Variants in SLC17A3 observed in about 807,000 individuals in gnomAD.
SLC17A3 encodes the protein sodium-dependent phosphate transport protein 4.
In SLC17A3, 61 loss-of-function variants were observed where a neutral mutation model predicts 60.3. The observed-to-expected ratio is 1.01, with a 90% CI of 0.82 to 1.25. SLC17A3 has a LOEUF of 1.25. Among genes scored for constraint, SLC17A3 ranks in the 50% most tolerant of loss-of-function variants. SLC17A3 has a pLI of 0.00. For synonymous variants in SLC17A3, 192 were observed against 208.9 expected, an observed-to-expected ratio of 0.92 and a Z score of 0.70; for missense variants, 624 against 594.9, an observed-to-expected ratio of 1.05 and a Z score of -0.51.
chr6:25,869,180 T>C (rs1248403462), intron 1 of SLC17A3, among the ~76,000 whole-genome samples: 2 of 151,988 alleles, frequency 1.3e-5, no homozygotes, highest in African/African-American at 4.8e-5. Context: ...AAAAGAACCA[T>C]TACTACATTA....
chr6:25,845,204 GAA>G lies in SLC17A3; in HGVS notation c.*95_*96del, dbSNP rs3215770. On this transcript the variant is annotated 3_prime_UTR_variant, in exon 13 of 13. Transcript: ENST00000397060. Reference sequence around the variant, plus strand: ...ATCTCATAATTGAAAAGAGCCACAGGAAAAAAAAAATCTTTTCACTGGTATTT... The same window carrying G: ...ATCTCATAATTGAAAAGAGCCACAGGAAAAAAAATCTTTTCACTGGTATTT... 345 of 602,108 alleles carry G rather than the reference GAA, an allele frequency of 5.7e-4. No homozygotes were observed. The highest frequency in any genetic ancestry group is 5.0e-3 in the African/African-American group (269 of 53,410). 37.3% of individuals were successfully genotyped at this position (602,108 alleles called of 1,614,324 possible).
chr6:25,873,104 G>A (rs1049175373), intron 1 of SLC17A3, among the ~76,000 whole-genome samples: 3 of 152,058 alleles, frequency 2.0e-5, no homozygotes, highest in Admixed American at 6.5e-5. Context: ...CTAGAGGAAA[G>A]AGAAGTAATC....
At chr6:25,852,226 C>G (rs1248166831) in intron 6 of SLC17A3, among the ~76,000 whole-genome samples, 1 of 152,010 alleles carries the variant, frequency 6.6e-6, no homozygotes, top group African/African-American at 2.4e-5. Flanking sequence ...TATCTTTGTT[C>G]CTCTCTCTAT....
chr6:25,851,241 A>ATT (rs35205418), intron 6 of SLC17A3, among the ~76,000 whole-genome samples: 122 of 139,640 alleles, frequency 8.7e-4, no homozygotes, highest in African/African-American at 2.9e-3. Context: ...TCTTTGCCCA[A>ATT]TTTTTTTTTT....
At chr6:25,870,291 G>A (rs936813442) in intron 1 of SLC17A3, among the ~76,000 whole-genome samples, 1 of 151,942 alleles carries the variant, frequency 6.6e-6, no homozygotes, top group Non-Finnish European at 1.5e-5. Flanking sequence ...AAGATTGCCT[G>A]GGAGATATTT....
chr6:25,871,326 C>G (rs1765636769), intron 1 of SLC17A3, among the ~76,000 whole-genome samples: 1 of 151,972 alleles, frequency 6.6e-6, no homozygotes, highest in South Asian at 2.1e-4. Context: ...ATGATGAGTT[C>G]ATGTCCTTTG....
At chr6:25,860,013 A>C (rs1453450792) in intron 5 of SLC17A3, among the ~76,000 whole-genome samples, 3 of 152,022 alleles carry the variant, frequency 2.0e-5, no homozygotes, top group African/African-American at 7.3e-5. Flanking sequence ...GTATCAAGGC[A>C]TTTTCCTCCA....
chr6:25,868,472 C>G (rs1765576297), intron 1 of SLC17A3, 52 bp from the exon 2 acceptor site: 2 of 1,179,356 alleles, frequency 1.7e-6, no homozygotes, highest in South Asian at 2.5e-5. Flanking sequence ...AAGAGACTCC[C>G]CGTTGAAATA....
intron 11 of SLC17A3, among the ~76,000 whole-genome samples, chr6:25,846,323 A>G (rs1765174042): frequency 6.6e-6 from 1 of 152,214 alleles, no homozygotes; most frequent in Admixed American, 6.5e-5. Flanking sequence ...TAGCCAAACA[A>G]CTCAAATGTC....
intron 2 of SLC17A3, 119 bp downstream of exon 2, chr6:25,868,178 A>C (rs1325311199): frequency 1.7e-5 from 13 of 777,670 alleles, no homozygotes; most frequent in Non-Finnish European, 1.3e-5. Flanking sequence ...TGTTAATTTC[A>C]CTGGATTTGT....
intron 2 of SLC17A3, among the ~76,000 whole-genome samples, chr6:25,863,410 G>C (rs955242067): frequency 1.3e-5 from 2 of 152,048 alleles, no homozygotes; most frequent in African/African-American, 2.4e-5. Context: ...TAAAATGTAT[G>C]AGCCAAGAAG....
chr6:25,858,969 C>G (rs575251639), intron 5 of SLC17A3, among the ~76,000 whole-genome samples: 7 of 152,020 alleles, frequency 4.6e-5, no homozygotes, highest in Non-Finnish European at 8.8e-5. Flanking sequence ...GTTGTATCAT[C>G]CTGGATGTCC....
chr6:25,867,042 C>T (rs1291068307), intron 2 of SLC17A3, among the ~76,000 whole-genome samples: 5 of 151,952 alleles, frequency 3.3e-5, no homozygotes, highest in Non-Finnish European at 5.9e-5. Context: ...AACTCTTGAG[C>T]CCTACCACCT....
intron 5 of SLC17A3, 87 bp downstream of exon 5, chr6:25,861,537 T>C (rs1765445814): frequency 4.0e-6 from 4 of 1,001,574 alleles, no homozygotes; most frequent in Admixed American, 3.4e-5. Flanking sequence ...GAGCAGATGA[T>C]GAGGAACTAT....
In SLC17A3 at chr6:25,862,410, G is replaced by A. The variant is rs146348149; in HGVS notation, c.126C>T (p.Ala42=). The change falls in exon 3 of 13, where the codon GCC becomes GCT. Residue 42 remains alanine, a synonymous_variant. Transcript: ENST00000397060. Reference sequence around the variant, plus strand: ...TGAAATTGCAGAAATGTAAGACGAGGGCTATTCCATAGCGAGCAGAACATA... The same window carrying A: ...TGAAATTGCAGAAATGTAAGACGAGAGCTATTCCATAGCGAGCAGAACATA... ...PSLCSARYGI[A]LVLHFCNFTT... 2.5e-6 allele frequency: 4 copies of A among 1,613,432 alleles called. No individual in the cohort carries two copies. In the East Asian group the frequency reaches 8.9e-5, roughly 36 times the overall value.
At chr6:25,849,696 G>T (rs1398592562) in intron 10 of SLC17A3, 109 bp downstream of exon 10, 2 of 1,298,828 alleles carry the variant, frequency 1.5e-6, no homozygotes, top group Non-Finnish European at 2.2e-6. Context: ...GTCTATCTGT[G>T]GTTCTTCCCC....
intron 6 of SLC17A3, among the ~76,000 whole-genome samples, chr6:25,851,885 C>A (rs2151520195): frequency 6.6e-6 from 1 of 152,232 alleles, no homozygotes; most frequent in East Asian, 1.9e-4. Context: ...AAAATCTTTG[C>A]ATTTCCATAA....
At chr6:25,872,245 T>C (rs1581535359) in intron 1 of SLC17A3, among the ~76,000 whole-genome samples, 1 of 151,218 alleles carries the variant, frequency 6.6e-6, no homozygotes, top group East Asian at 2.0e-4. Context: ...TATAAAGATG[T>C]GCTATTGCAC....
chr6:25,846,753 G>A (rs1189500531), intron 11 of SLC17A3, among the ~76,000 whole-genome samples: 1 of 152,058 alleles, frequency 6.6e-6, no homozygotes, highest in Non-Finnish European at 1.5e-5. Flanking sequence ...TGGGACTACA[G>A]GTATGCACCA....
Sources: allele counts gnomAD v4.1 joint callset (sites outside exome capture counted in the v4.1 genomes callset), GRCh38; gene constraint gnomAD v4.1.1; transcripts MANE v1.5; gene names NCBI Gene and HGNC (gene_info 2026-07-23, HGNC 2026-07-21).